Variants in ZNF74 observed in about 807,000 individuals in gnomAD.
ZNF74 encodes the protein zinc finger protein 74, also known as zinc finger protein 520.
A neutral mutation model predicts 17.7 loss-of-function variants in ZNF74; 12 were observed. The ratio of observed to expected loss-of-function variants is 0.68; its 90% CI spans 0.43 to 1.10. The LOEUF (loss-of-function observed/expected upper bound fraction) is 1.10. Ranked by LOEUF, ZNF74 falls within the 50% of genes least tolerant of loss-of-function variation. ZNF74 has a pLI of 0.00. For missense variants in ZNF74, 811 were observed against 881.0 expected (o/e 0.92, Z 1.01); for synonymous variants, 358 against 362.1 (o/e 0.99, Z 0.13).
intron 1 of ZNF74, 90 bp downstream of exon 1, chr22:20,394,752 A>C: frequency 8.0e-7 from 1 of 1,255,004 alleles, no homozygotes; most frequent in Non-Finnish European, 1.1e-6. Context: ...TCCCAGAAGC[A>C]TCCAGCATCT....
chr22:20,400,476 T>A, intron 2 of ZNF74, 156 bp from the exon 3 acceptor site: 7 of 772,004 alleles, frequency 9.1e-6, no homozygotes, highest in Non-Finnish European at 1.3e-5. Flanking sequence ...GGTCCCCGAA[T>A]TCAGTCATGG....
rs142043176 is a variant in ZNF74 at position 20,399,531 on chromosome 22, G to A, written c.121-1101G>A. 7.0e-4 allele frequency: 255 copies of A among 364,596 alleles called. 3 individuals carry two copies. The East Asian group carries it at 0.026, about 37-fold the overall frequency. The allele number at this position is 364,596 out of a possible 1,614,324, so 22.6% of individuals were successfully genotyped here. On this transcript the variant is annotated intron_variant, in intron 2 of 4. Coordinates refer to ENST00000400451, the MANE Select transcript of ZNF74 (RefSeq NM_003426.4). ...TTTAATTGGAGTGTTTAAACTATTC[G>A]CATTTAGTGTAATTATTAATATGGT...
chr22:20,402,240 G>C (rs1485257036), intron 4 of ZNF74, among the ~76,000 whole-genome samples: 1 of 152,100 alleles, frequency 6.6e-6, no homozygotes, highest in African/African-American at 2.4e-5. Flanking sequence ...ATACCACCCA[G>C]CCCCAACCTG....
At position 20,405,756 on chromosome 22, in the gene ZNF74, G is replaced by C; in HGVS notation, c.723G>C (p.Ala241=). 1 of 1,605,236 alleles carries C rather than the reference G, an allele frequency of 6.2e-7. No homozygotes were observed. The highest frequency in any genetic ancestry group is 1.1e-5 in the South Asian group (1 of 90,452). ...KFPQVRRQRG[A]GAGEGEFVCG... ...CCCAGGTGCGCCGGCAGCGCGGGGC[G>C]GGCGCCGGGGAGGGCGAGTTCGTGT... is the stretch of plus-strand genomic sequence containing the variant. Residue 241 remains alanine (A), a synonymous_variant, in exon 5 of 5, where the codon GCG becomes GCC. Coordinates refer to ENST00000400451, the MANE Select transcript of ZNF74 (RefSeq NM_003426.4).
At chr22:20,394,972 G>T in intron 1 of ZNF74, 1 of 460,912 alleles carries the variant, frequency 2.2e-6, no homozygotes. Context: ...TGTTTCCCAG[G>T]CTGGTCTTAA....
At position 20,401,271 on chromosome 22, in the gene ZNF74, G is replaced by C. The variant is rs752731623; in HGVS notation, c.248-6G>C. On this transcript the variant is annotated splice_polypyrimidine_tract_variant and splice_region_variant and intron_variant, in intron 3 of 4. Transcript: ENST00000400451. The surrounding 1 kb of genome is among the most constrained non-coding windows in gnomAD (Gnocchi z 4.2). ...CATGCCCAGCCCACTTTCTCTCCAC[G>C]AGCAGGACCTCCACTGCACAAGCCA... The C allele has an allele frequency of 1.9e-6, 3 of 1,605,636 alleles. No homozygotes were observed. Among genetic ancestry groups the C allele is most frequent in the South Asian group, 1.1e-5 (1 of 89,770 alleles).
chr22:20,406,507 C>T lies in ZNF74; in HGVS notation c.1474C>T (p.Arg492Cys). The change falls in exon 5 of 5, where the codon CGC becomes TGC. Residue 492 changes from arginine (R) to cysteine (C), a missense_variant. Around this residue, in one of 3 missense-constraint regions of ZNF74, gnomAD observed 666 missense variants for 702.3 expected, o/e 0.95. Coordinates refer to ENST00000400451, the MANE Select transcript of ZNF74 (RefSeq NM_003426.4). ...CCACGCCTACCTCATCGTGCACCGGCGCATCCACACAGGCGAGAAGCCCTT... is the reference window on the plus strand; with the variant it reads ...CCACGCCTACCTCATCGTGCACCGGTGCATCCACACAGGCGAGAAGCCCTT... The part of the protein sequence containing the change: ...SSHAYLIVHR[R>C]IHTGEKPFDC... The T allele has an allele frequency of 6.2e-7, 1 of 1,613,732 alleles. No individual in the cohort carries two copies. The highest frequency in any genetic ancestry group is 8.5e-7 in the Non-Finnish European group (1 of 1,179,930).
chr22:20,399,840 A>ATTTCCTCTG (rs1188869916), intron 2 of ZNF74: 1 of 166,662 alleles, frequency 6.0e-6, no homozygotes, highest in African/African-American at 2.4e-5. Context: ...ATACTGTTCT[A>ATTTCCTCTG]ATATACTCTT....
At chr22:20,397,219 G>A (rs1321462664) in intron 2 of ZNF74, among the ~76,000 whole-genome samples, 3 of 152,048 alleles carry the variant, frequency 2.0e-5, no homozygotes, top group Admixed American at 6.5e-5. Flanking sequence ...TGGGACCAAC[G>A]TGTGTGCCCC....
In ZNF74 at chr22:20,405,833, G is replaced by C. The variant is rs776048683; in HGVS notation, c.800G>C (p.Arg267Pro). The C allele has an allele frequency of 3.1e-6, 5 of 1,612,704 alleles. No homozygotes were observed. Among genetic ancestry groups the C allele is most frequent in the Non-Finnish European group, 3.4e-6 (4 of 1,179,754 alleles). ...FRQSSSLTLH[R>P]RWHSREKAYK... is the part of the protein sequence containing the mutation. The stretch of plus-strand genomic sequence containing the variant: ...CAGAGCTCCTCCCTCACGCTGCACC[G>C]GCGCTGGCACAGCCGGGAGAAGGCT... Residue 267 changes from arginine to proline, a missense_variant, in exon 5 of 5, where the codon CGG becomes CCG. Arg to Pro is a moderately radical substitution (Grantham distance 103). Coordinates refer to ENST00000400451, the MANE Select transcript of ZNF74 (RefSeq NM_003426.4).
chr22:20,398,371 T>G (rs1186833772), intron 2 of ZNF74, among the ~76,000 whole-genome samples: 6 of 143,522 alleles, frequency 4.2e-5, no homozygotes, highest in African/African-American at 1.6e-4. Context: ...CATTGAGACA[T>G]AAGAATTTGA....
rs1406883007 is a variant in ZNF74, at chr22:20,405,617, G to T, written c.584G>T (p.Gly195Val). ...LFAQQRVPEG[G>V]PLLDTRKNVQ... Reference sequence around the variant, plus strand: ...GCCCAGCAACGCGTTCCCGAGGGGGGACCCTTGCTGGACACACGCAAGAAC... The same window carrying T: ...GCCCAGCAACGCGTTCCCGAGGGGGTACCCTTGCTGGACACACGCAAGAAC... Residue 195 changes from glycine (G) to valine (V), a missense_variant, in exon 5 of 5, where the codon GGA becomes GTA. By Grantham distance (109) the Gly-to-Val change is moderately radical (BLOSUM62 -3). Coordinates refer to ENST00000400451, the MANE Select transcript of ZNF74 (RefSeq NM_003426.4). 2.5e-6 allele frequency: 4 copies of T among 1,613,276 alleles called. No individual in the cohort carries two copies. Among genetic ancestry groups the T allele is most frequent in the Non-Finnish European group, 3.4e-6 (4 of 1,179,634 alleles).
At chr22:20,402,734 G>A (rs2052372208) in intron 4 of ZNF74, among the ~76,000 whole-genome samples, 1 of 150,386 alleles carries the variant, frequency 6.6e-6, no homozygotes, top group Non-Finnish European at 1.5e-5. Flanking sequence ...CCAGGAGGCA[G>A]AGGTTGCGGT....
intron 4 of ZNF74, among the ~76,000 whole-genome samples, chr22:20,404,742 G>A (rs1399087801): frequency 2.0e-5 from 3 of 152,144 alleles, no homozygotes; most frequent in Non-Finnish European, 4.4e-5. Flanking sequence ...AATTCCCAGT[G>A]TTCTAAAGGG....
intron 2 of ZNF74, chr22:20,399,698 G>T: frequency 3.7e-6 from 1 of 271,360 alleles, no homozygotes; most frequent in Non-Finnish European, 7.2e-6. Context: ...CAGGTGATCT[G>T]CCACCTTGGC....
chr22:20,394,638 C>T lies in ZNF74; in HGVS notation c.10C>T (p.Pro4Ser), dbSNP rs376762592. Reference sequence around the variant, plus strand: ...GGCTGCCGTGGAGGCCATGGAGATCCCTGCCCCGGAGCCCGAGAAGACAGG... The same window carrying T: ...GGCTGCCGTGGAGGCCATGGAGATCTCTGCCCCGGAGCCCGAGAAGACAGG... MEI[P>S]APEPEKTALS... Residue 4 changes from proline (P) to serine (S), a missense_variant, in exon 1 of 5, where the codon CCT (proline) becomes TCT (serine). Pro to Ser is a moderately conservative substitution (Grantham distance 74). This residue lies in a region of ZNF74 where 666 missense variants were observed against 702.3 expected (regional missense o/e 0.95). Coordinates refer to ENST00000400451, the MANE Select transcript of ZNF74 (RefSeq NM_003426.4). The T allele has an allele frequency of 1.2e-6, 2 of 1,614,050 alleles. No homozygotes were observed. Among genetic ancestry groups the T allele is most frequent in the Non-Finnish European group, 1.7e-6 (2 of 1,180,026 alleles).
At chr22:20,396,339 C>T (rs1043148433) in intron 2 of ZNF74, among the ~76,000 whole-genome samples, 1 of 151,952 alleles carries the variant, frequency 6.6e-6, no homozygotes, top group Non-Finnish European at 1.5e-5. Flanking sequence ...AAATGCAATG[C>T]ATGTTCCTTG....
Position 20,395,411 on chromosome 22 carries a change from G to C in ZNF74, c.113G>C (p.Arg38Thr), listed in dbSNP as rs1392184701. 4.4e-6 allele frequency: 7 copies of C among 1,602,698 alleles called. 1 individual carries two copies. The highest frequency in any genetic ancestry group is 2.2e-5 in the South Asian group (2 of 90,388). The change falls in exon 2 of 5, where the codon AGG becomes ACG. Residue 38 changes from arginine (R) to threonine (T), a missense_variant. Coordinates refer to ENST00000400451, the MANE Select transcript of ZNF74 (RefSeq NM_003426.4). Reference sequence around the variant, plus strand: ...TCGGGTTGGGGTCTTCCCGAAGCCAGGTCCAAGGTGAGTGGCTGTGTGTTC... The same window carrying C: ...TCGGGTTGGGGTCTTCCCGAAGCCACGTCCAAGGTGAGTGGCTGTGTGTTC... ...DISGWGLPEA[R>T]SKESVSFKDV...
intron 1 of ZNF74, 126 bp from the exon 2 acceptor site, chr22:20,395,207 T>C (rs753516230): frequency 1.5e-6 from 1 of 665,654 alleles, no homozygotes; most frequent in Non-Finnish European, 2.7e-6. Context: ...CTGGGGCTCG[T>C]TCCCCACCTG....
Sources: allele counts gnomAD v4.1 joint callset (sites outside exome capture counted in the v4.1 genomes callset), GRCh38; gene constraint gnomAD v4.1.1; regional missense constraint gnomAD v4.1.1; non-coding constraint Gnocchi (gnomAD v3.1); transcripts MANE v1.5; gene names NCBI Gene and HGNC (gene_info 2026-07-23, HGNC 2026-07-21).